Variants in TNS3 observed in about 807,000 individuals in gnomAD.
The protein encoded by TNS3 is tensin 3.
Under a neutral mutation model 140.9 loss-of-function variants are expected in TNS3, and 45 were observed. The observed-to-expected ratio is 0.32, with a 90% confidence interval of 0.25 to 0.41. The LOEUF is 0.41. TNS3 is among the 10% of genes least tolerant of loss of function. The pLI is 1.00. For missense variants in TNS3, 1,716 were observed against 1,906.7 expected, an observed-to-expected ratio of 0.90 and a Z score of 1.86; for synonymous variants, 815 against 788.4, an observed-to-expected ratio of 1.03 and a Z score of -0.56.
chr7:47,484,817 G>A (rs1473427059), intron 3 of TNS3, among the ~76,000 whole-genome samples: 12 of 152,214 alleles, frequency 7.9e-5, no homozygotes, highest in Non-Finnish European at 1.2e-4. Flanking sequence ...ACATTCCCCA[G>A]CACTGTGGGG....
rs186714350 is a variant in TNS3, at chr7:47,323,207, C to G, written c.2651-18204G>C. On this transcript the variant is annotated intron_variant, in intron 20 of 30. Transcript: ENST00000311160. ...ACAGTGCATCCTGTTTTACCTGGCA[C>G]TGTTTTCCCTATCTTAGTGTCATAT... is the stretch of plus-strand genomic sequence containing the variant. Among the ~76,000 whole-genome samples the G allele has an allele frequency of 2.2e-3, 337 of 152,346 alleles. 1 individual carries two copies. Among genetic ancestry groups the G allele is most frequent in the African/African-American group, 7.4e-3 (307 of 41,582 alleles).
intron 4 of TNS3, among the ~76,000 whole-genome samples, chr7:47,456,492 G>A (rs1796251835): frequency 6.6e-6 from 1 of 152,126 alleles, no homozygotes; most frequent in African/African-American, 2.4e-5. Context: ...CATGCAAAGT[G>A]CTTAATACTG....
intron 1 of TNS3, among the ~76,000 whole-genome samples, chr7:47,580,974 C>T (rs1423786677): frequency 6.6e-6 from 1 of 152,144 alleles, no homozygotes; most frequent in East Asian, 1.9e-4. Context: ...TGAATGCGCC[C>T]CAAGGAAGCC....
At chr7:47,398,945 C>T (rs776702648) in intron 15 of TNS3, among the ~76,000 whole-genome samples, 1 of 152,054 alleles carries the variant, frequency 6.6e-6, no homozygotes, top group African/African-American at 2.4e-5. Context: ...CTCCAAAAGA[C>T]TTCTAGATTT....
intron 1 of TNS3, chr7:47,581,692 C>A (rs1334108001): frequency 6.6e-6 from 1 of 152,348 alleles, no homozygotes; most frequent in Admixed American, 6.5e-5. Context: ...CGGACTCCGG[C>A]GAAGCTGGCC....
intron 9 of TNS3, among the ~76,000 whole-genome samples, chr7:47,425,057 G>A (rs965666905): frequency 6.6e-6 from 1 of 152,150 alleles, no homozygotes; most frequent in East Asian, 1.9e-4. Context: ...GGTGGCTCAC[G>A]CCTGTACTCC....
chr7:47,345,024 G>C lies in TNS3; in HGVS notation c.2466C>G (p.Gly822=), dbSNP rs1328040209. The change falls in exon 19 of 31, where the codon GGC becomes GGG. Residue 822 remains glycine (G), a synonymous_variant. Coordinates refer to ENST00000311160, the MANE Select transcript of TNS3 (RefSeq NM_022748.12). ...PADVKETMTP[G]YPQDLDIIDG... ...CGATAATATCGAGGTCCTGGGGATA[G>C]CCAGGGGTCATCGTCTGAAATTGGC... 2 of 1,613,470 alleles carry C rather than the reference G, an allele frequency of 1.2e-6. No homozygotes were observed. Among genetic ancestry groups the C allele is most frequent in the Non-Finnish European group, 1.7e-6 (2 of 1,179,728 alleles).
intron 10 of TNS3, among the ~76,000 whole-genome samples, chr7:47,416,994 G>A (rs1291235304): frequency 6.6e-6 from 1 of 152,184 alleles, no homozygotes; most frequent in African/African-American, 2.4e-5. Flanking sequence ...CACACTGCCT[G>A]GCCATGTGCT....
intron 10 of TNS3, among the ~76,000 whole-genome samples, chr7:47,419,441 C>A (rs1794255998): frequency 6.6e-6 from 1 of 152,208 alleles, no homozygotes; most frequent in Non-Finnish European, 1.5e-5. Flanking sequence ...GTAACCAACC[C>A]CCATCTTGCC....
intron 3 of TNS3, among the ~76,000 whole-genome samples, chr7:47,494,172 C>T (rs1317400728): frequency 6.6e-6 from 1 of 152,176 alleles, no homozygotes; most frequent in Non-Finnish European, 1.5e-5. Flanking sequence ...GTCTCAAATT[C>T]AAAACCTAAG....
At chr7:47,525,846 C>A (rs1253910653) in intron 2 of TNS3, among the ~76,000 whole-genome samples, 2 of 152,230 alleles carry the variant, frequency 1.3e-5, no homozygotes, top group African/African-American at 4.8e-5. Context: ...CCTCCTCACC[C>A]CTCCGTAATA....
rs540647453 is a variant in TNS3, at chr7:47,458,246, C to T, written c.-75-16191G>A. ...GATGAGTGCTCTAGGCCAGGGCCCA[C>T]GGGCTCCTCCCAACTCCCACACACA... On this transcript the variant is annotated intron_variant, in intron 4 of 30. Coordinates refer to ENST00000311160, the MANE Select transcript of TNS3 (RefSeq NM_022748.12). Among the ~76,000 whole-genome samples, 19 of 152,346 alleles carry T rather than the reference C, an allele frequency of 1.2e-4. 1 individual carries two copies. The South Asian group carries it at 2.5e-3, about 20-fold the overall frequency.
At chr7:47,409,771 C>T (rs917373118) in intron 13 of TNS3, among the ~76,000 whole-genome samples, 2 of 152,196 alleles carry the variant, frequency 1.3e-5, no homozygotes, top group Non-Finnish European at 2.9e-5. Flanking sequence ...CATTCTCCTG[C>T]CTCAGCCTCC....
chr7:47,528,184 C>T (rs1193393287), intron 2 of TNS3, among the ~76,000 whole-genome samples: 1 of 152,178 alleles, frequency 6.6e-6, no homozygotes, highest in Non-Finnish European at 1.5e-5. Context: ...ATCCCAAGAG[C>T]CCCTTAGAGG....
rs371986493 is a variant in TNS3 at position 47,305,010 on chromosome 7, C to T, written c.2651-7G>A. 3.3e-5 allele frequency: 44 copies of T among 1,335,536 alleles called. No individual in the cohort carries two copies. The highest frequency in any genetic ancestry group is 3.1e-4 in the East Asian group (11 of 35,900). The allele number at this position is 1,335,536 out of a possible 1,614,324, so 82.7% of individuals were successfully genotyped here. On this transcript the variant is annotated splice_region_variant and splice_polypyrimidine_tract_variant and intron_variant, in intron 20 of 30. Coordinates refer to ENST00000311160, the MANE Select transcript of TNS3 (RefSeq NM_022748.12). ...TCAGGGCAGCTTCGTGGTTCTGTAG[C>T]GGGAACACAGGAAGCAGAGAGACCT...
chr7:47,299,821 C>G (rs1301684003), intron 23 of TNS3, among the ~76,000 whole-genome samples: 1 of 152,212 alleles, frequency 6.6e-6, no homozygotes. Flanking sequence ...CTGCACACAG[C>G]AGCTGCGTGC....
At chr7:47,571,528 G>A (rs112383735) in intron 1 of TNS3, among the ~76,000 whole-genome samples, 23 of 62,926 alleles carry the variant, frequency 3.7e-4, no homozygotes, top group South Asian at 2.6e-3. Context: ...GACAAGAGGC[G>A]AAACCGTGCA....
chr7:47,352,304 ACATT>A (rs538845938), intron 17 of TNS3, among the ~76,000 whole-genome samples: 295 of 152,202 alleles, frequency 1.9e-3, no homozygotes, highest in African/African-American at 6.3e-3. Context: ...TGTCACACTC[ACATT>A]CAGTCTCAGT....
At chr7:47,433,371 C>T (rs1448046415) in intron 8 of TNS3, among the ~76,000 whole-genome samples, 1 of 152,138 alleles carries the variant, frequency 6.6e-6, no homozygotes, top group Admixed American at 6.6e-5. Context: ...TTACATGGCA[C>T]CAGAAGAGGG....
Sources: allele counts gnomAD v4.1 joint callset (sites outside exome capture counted in the v4.1 genomes callset), GRCh38; gene constraint gnomAD v4.1.1; transcripts MANE v1.5; gene names NCBI Gene and HGNC (gene_info 2026-07-23, HGNC 2026-07-21).